UNC5B: variants seen among roughly 807,000 people sequenced by gnomAD.
The protein encoded by UNC5B is netrin receptor UNC5B.
In UNC5B, 56 loss-of-function variants were observed where a neutral mutation model predicts 103.7. The observed-to-expected ratio is 0.54, with a 90% CI of 0.44 to 0.67. UNC5B has a LOEUF of 0.67. Ranked by LOEUF, UNC5B falls within the 30% of genes least tolerant of loss-of-function variation. The probability of loss-of-function intolerance (pLI) is 0.00; values close to 1 mark genes in which losing one functional copy is unlikely to be tolerated. For synonymous variants in UNC5B, 577 were observed against 542.0 expected, an observed-to-expected ratio of 1.06 and a Z score of -0.90; for missense variants, 1,194 against 1,284.5, an observed-to-expected ratio of 0.93 and a Z score of 1.08.
chr10:71,295,923 A>G lies in UNC5B; in HGVS notation c.2288A>G (p.His763Arg), dbSNP rs1218188955. 8 of 1,613,160 alleles carry G rather than the reference A, an allele frequency of 5.0e-6. No homozygotes were observed. The highest frequency in any genetic ancestry group is 1.1e-5 in the South Asian group (1 of 91,042). The change falls in exon 14 of 17, where the codon CAT becomes CGT. Residue 763 changes from histidine (H) to arginine (R), a missense_variant. Physicochemically the swap from His to Arg is conservative, Grantham distance 29. Coordinates refer to ENST00000335350, the MANE Select transcript of UNC5B (RefSeq NM_170744.5). ...CGCCTCTCCCTCCATGACCTCCCCC[A>G]TGCCCATTGGAGGAGCAAGCTGCTG... ...NLRLSLHDLP[H>R]AHWRSKLLAK...
At chr10:71,244,810 G>C (rs1267058734) in intron 1 of UNC5B, among the ~76,000 whole-genome samples, 1 of 152,190 alleles carries the variant, frequency 6.6e-6, no homozygotes, top group Non-Finnish European at 1.5e-5. Context: ...GCGCCGAACT[G>C]GTTGGCGGCG....
Position 71,302,249 on chromosome 10 carries a change from C to G in UNC5B, c.*2972C>G, listed in dbSNP as rs1271426291. ...GCAGGGCCCTTACGCAGGTATTTCT[C>G]TCTCTCTCCTCTCTGGGGTGCGTGT... On this transcript the variant is annotated 3_prime_UTR_variant, in exon 17 of 17. Transcript: ENST00000335350. The G allele has an allele frequency of 1.3e-5, 2 of 152,044 alleles. No individual in the cohort carries two copies. Among genetic ancestry groups the G allele is most frequent in the African/African-American group, 2.4e-5 (1 of 41,292 alleles). The allele number at this position is 152,044 out of a possible 1,614,324, so 9.4% of individuals were successfully genotyped here.
chr10:71,252,936 G>C (rs900005516), intron 1 of UNC5B, among the ~76,000 whole-genome samples: 4 of 152,116 alleles, frequency 2.6e-5, no homozygotes, highest in African/African-American at 9.7e-5. Context: ...ACAGAGAAGA[G>C]GGGGTTTTCT....
chr10:71,269,441 C>T (rs1844596391), intron 1 of UNC5B, among the ~76,000 whole-genome samples: 1 of 150,836 alleles, frequency 6.6e-6, no homozygotes, highest in East Asian at 2.0e-4. Context: ...CCAGACCACA[C>T]CCTCTCTGGT....
Position 71,298,036 on chromosome 10 carries a change from C to G in UNC5B, c.2618C>G (p.Pro873Arg). The change falls in exon 16 of 17, where the codon CCC becomes CGC. Residue 873 changes from proline (P) to arginine (R), a missense_variant. Physicochemically the swap from Pro to Arg is moderately radical, Grantham distance 103. Transcript: ENST00000335350. ...AAGATATGCAACAGCCTAGATGCCC[C>G]CAACTCACGGGGCAATGACTGGCGG... Reference protein sequence around the residue: ...RQKICNSLDAPNSRGNDWRML... With the variant: ...RQKICNSLDARNSRGNDWRML... The G allele has an allele frequency of 1.9e-6, 3 of 1,613,740 alleles. No individual in the cohort carries two copies. Among genetic ancestry groups the G allele is most frequent in the Non-Finnish European group, 1.7e-6 (2 of 1,179,930 alleles).
chr10:71,249,163 G>A (rs1219364081), intron 1 of UNC5B, among the ~76,000 whole-genome samples: 4 of 152,208 alleles, frequency 2.6e-5, no homozygotes, highest in African/African-American at 7.2e-5. Context: ...TCATGAGAAC[G>A]TGACCACGGC....
intron 1 of UNC5B, among the ~76,000 whole-genome samples, chr10:71,227,437 G>A (rs1345946404): frequency 6.6e-6 from 1 of 151,772 alleles, no homozygotes; most frequent in Non-Finnish European, 1.5e-5. Context: ...GAGGGGGTGA[G>A]GGATAAAAGA....
intron 1 of UNC5B, among the ~76,000 whole-genome samples, chr10:71,253,350 T>G (rs537243614): frequency 3.6e-4 from 55 of 152,272 alleles, no homozygotes; most frequent in African/African-American, 1.2e-3. Context: ...GTACCCGAGT[T>G]TGGGTGTCCT....
At chr10:71,256,352 G>A (rs1844290280) in intron 1 of UNC5B, among the ~76,000 whole-genome samples, 1 of 152,240 alleles carries the variant, frequency 6.6e-6, no homozygotes, top group Admixed American at 6.5e-5. Context: ...ATTGGCAGCT[G>A]GGCTCAGGAG....
At chr10:71,255,227 T>C (rs1844263515) in intron 1 of UNC5B, among the ~76,000 whole-genome samples, 1 of 152,242 alleles carries the variant, frequency 6.6e-6, no homozygotes, top group African/African-American at 2.4e-5. Flanking sequence ...TAACACTGCG[T>C]TGAACATCTC....
intron 6 of UNC5B, 139 bp from the exon 7 acceptor site, chr10:71,288,429 A>T (rs896816381): frequency 5.6e-5 from 71 of 1,277,408 alleles, no homozygotes; most frequent in Non-Finnish European, 7.6e-5. Context: ...TGTGTGGCAC[A>T]CATGTGTTCT....
intron 1 of UNC5B, among the ~76,000 whole-genome samples, chr10:71,222,524 A>AC (rs11442375): frequency 0.86 from 130,652 of 151,828 alleles, 57,630 homozygotes; most frequent in East Asian, 1. Context: ...CCCCTCCTCC[A>AC]CCCCCCGATT....
intron 1 of UNC5B, among the ~76,000 whole-genome samples, chr10:71,262,382 G>C (rs574434859): frequency 2.1e-3 from 320 of 151,446 alleles, no homozygotes; most frequent in African/African-American, 6.9e-3. Flanking sequence ...TGGCTGGGGG[G>C]ATGGGGCAGG....
rs571563162 is a variant in UNC5B at position 71,254,506 on chromosome 10, C to T, written c.80-25315C>T. On this transcript the variant is annotated intron_variant, in intron 1 of 16. Coordinates refer to ENST00000335350, the MANE Select transcript of UNC5B (RefSeq NM_170744.5). Reference sequence around the variant, plus strand: ...GGCCTGGCTTGGGGAGGTTTTCTCACGAGTCCTGGGAAGTCGGCTTACTGT... The same window carrying T: ...GGCCTGGCTTGGGGAGGTTTTCTCATGAGTCCTGGGAAGTCGGCTTACTGT... 1.1e-4 allele frequency among the ~76,000 whole-genome samples: 17 copies of T among 152,318 alleles called. No individual in the cohort carries two copies. The East Asian group carries it at 2.7e-3, about 24-fold the overall frequency.
At chr10:71,258,092 C>T (rs182651679) in intron 1 of UNC5B, among the ~76,000 whole-genome samples, 1 of 152,350 alleles carries the variant, frequency 6.6e-6, no homozygotes, top group East Asian at 1.9e-4. Flanking sequence ...ATCCTCTAGG[C>T]TAGGGACTGT....
At chr10:71,292,389 C>A in intron 10 of UNC5B, 78 bp from the exon 11 acceptor site, 1 of 1,283,556 alleles carries the variant, frequency 7.8e-7, no homozygotes, top group Non-Finnish European at 1.1e-6. Context: ...TCTCTCCCAG[C>A]CCCAAGCTGG....
chr10:71,288,737 G>C lies in UNC5B; in HGVS notation c.1066+5G>C. 1 of 1,604,270 alleles carries C rather than the reference G, an allele frequency of 6.2e-7. No individual in the cohort carries two copies. The highest frequency in any genetic ancestry group is 8.5e-7 in the Non-Finnish European group (1 of 1,173,546). On this transcript the variant is annotated splice_donor_5th_base_variant and intron_variant, in intron 7 of 16. Coordinates refer to ENST00000335350, the MANE Select transcript of UNC5B (RefSeq NM_170744.5). ...CAGATGGGCTGTGCATGCAAAGTGA[G>C]TCACAGGGAAGGTGGGGCCCTGGGG... is the stretch of plus-strand genomic sequence containing the variant.
intron 3 of UNC5B, 104 bp downstream of exon 3, chr10:71,284,967 G>A: frequency 6.8e-7 from 1 of 1,475,210 alleles, no homozygotes; most frequent in Non-Finnish European, 9.0e-7. Context: ...CAGCATCCCT[G>A]GCTGAGGATG....
chr10:71,271,259 G>T (rs1844639228), intron 1 of UNC5B, among the ~76,000 whole-genome samples: 1 of 152,356 alleles, frequency 6.6e-6, no homozygotes, highest in African/African-American at 2.4e-5. Context: ...TTTCGCATCT[G>T]TAAAATGGAA....
Sources: allele counts gnomAD v4.1 joint callset (sites outside exome capture counted in the v4.1 genomes callset), GRCh38; gene constraint gnomAD v4.1.1; transcripts MANE v1.5; gene names NCBI Gene and HGNC (gene_info 2026-07-23, HGNC 2026-07-21).